Variants in AGAP1 observed in about 807,000 individuals in gnomAD.
AGAP1 encodes the protein ArfGAP with GTPase domain, ankyrin repeat and PH domain 1.
Under a neutral mutation model 105.3 loss-of-function variants are expected in AGAP1, and 29 were observed. The ratio of observed to expected loss-of-function variants is 0.28; its 90% CI spans 0.21 to 0.38. The LOEUF (loss-of-function observed/expected upper bound fraction) is 0.38. Among genes scored for constraint, AGAP1 ranks in the 10% least tolerant of loss-of-function variants. The probability of loss-of-function intolerance (pLI) is 1.00; values close to 1 mark genes in which losing one functional copy is unlikely to be tolerated. For missense variants in AGAP1, 998 were observed against 1,165.1 expected (o/e 0.86, Z 2.09); for synonymous variants, 509 against 485.9 (o/e 1.05, Z -0.63).
intron 9 of AGAP1, among the ~76,000 whole-genome samples, chr2:235,863,279 C>G (rs2049012520): frequency 6.6e-6 from 1 of 152,180 alleles, no homozygotes; most frequent in African/African-American, 2.4e-5. Context: ...ATGTGATTTC[C>G]ATTTTGCAGG....
chr2:236,035,459 T>C lies in AGAP1; in HGVS notation c.1646-1102T>C, dbSNP rs1405703003. On this transcript the variant is annotated intron_variant, in intron 13 of 17. Transcript: ENST00000304032. The surrounding 1 kb of genome is among the most constrained non-coding windows in gnomAD (Gnocchi z 4.2). ...GACCAGCCTAGGGAGACACCATCTC[T>C]ACAAAAAATGTCTAACAATTGGCCA... Among the ~76,000 whole-genome samples, 4 of 152,078 alleles carry C rather than the reference T, an allele frequency of 2.6e-5. No homozygotes were observed. The highest frequency in any genetic ancestry group is 9.7e-5 in the African/African-American group (4 of 41,406).
In AGAP1 at chr2:235,843,255, T is replaced by G. The variant is rs1387061389; in HGVS notation, c.1050+35924T>G. On this transcript the variant is annotated intron_variant, in intron 9 of 17. Coordinates refer to ENST00000304032, the MANE Select transcript of AGAP1 (RefSeq NM_001037131.3). The surrounding 1 kb of genome is among the most constrained non-coding windows in gnomAD (Gnocchi z 5.9). ...TCTTCGGGAGGACCTGAGCTTCGGC[T>G]GCGGCCTTCCAGCCCCCTGGGTCTC... is the stretch of plus-strand genomic sequence containing the variant. Among the ~76,000 whole-genome samples the G allele has an allele frequency of 2.6e-5, 4 of 152,154 alleles. No homozygotes were observed. Among genetic ancestry groups the G allele is most frequent in the Non-Finnish European group, 4.4e-5 (3 of 68,030 alleles).
In AGAP1 at chr2:235,830,679, A is replaced by G. The variant is rs918310155; in HGVS notation, c.1050+23348A>G. ...CACCTTGAGGTTTCTAGGCCAGCCC[A>G]GGACGGTGTGCGGCCCCAAGCCACT... On this transcript the variant is annotated intron_variant, in intron 9 of 17. Coordinates refer to ENST00000304032, the MANE Select transcript of AGAP1 (RefSeq NM_001037131.3). This position sits in a 1 kb window ranked among gnomAD's most constrained non-coding sequence, Gnocchi z 5.5. Among the ~76,000 whole-genome samples the G allele has an allele frequency of 6.6e-6, 1 of 152,168 alleles. No homozygotes were observed. Among genetic ancestry groups the G allele is most frequent in the African/African-American group, 2.4e-5 (1 of 41,436 alleles).
chr2:235,981,758 TA>T lies in AGAP1; in HGVS notation c.1645+13137del, dbSNP rs1174687210. Among the ~76,000 whole-genome samples, 1 of 152,144 alleles carries T rather than the reference TA, an allele frequency of 6.6e-6. No individual in the cohort carries two copies. Among genetic ancestry groups the T allele is most frequent in the Non-Finnish European group, 1.5e-5 (1 of 68,030 alleles). Reference sequence around the variant, plus strand: ...TGAGGAAACCGAGGGTCATAAAGTTTAAGTAACTTGCTCAAGGCCATAGACG... The same window carrying T: ...TGAGGAAACCGAGGGTCATAAAGTTTAGTAACTTGCTCAAGGCCATAGACG... On this transcript the variant is annotated intron_variant, in intron 13 of 17. Transcript: ENST00000304032. The surrounding 1 kb of genome is among the most constrained non-coding windows in gnomAD (Gnocchi z 5.5).
At chr2:235,576,098 G>A (rs545715117) in intron 1 of AGAP1, among the ~76,000 whole-genome samples, 4 of 152,184 alleles carry the variant, frequency 2.6e-5, no homozygotes, top group African/African-American at 7.2e-5. Context: ...GTGATTTGTC[G>A]CTCCCCAGAG....
At chr2:235,902,697 A>G (rs116285132) in intron 10 of AGAP1, among the ~76,000 whole-genome samples, 2,559 of 152,318 alleles carry the variant, frequency 0.017, 57 homozygotes, top group African/African-American at 0.059. Flanking sequence ...TCTTTCAGGT[A>G]AAAATCTTGT....
intron 16 of AGAP1, among the ~76,000 whole-genome samples, chr2:236,084,451 C>G (rs1180997713): frequency 6.6e-6 from 1 of 152,148 alleles, no homozygotes; most frequent in East Asian, 1.9e-4. Context: ...AGCCATAATG[C>G]AAGGGGCTTC....
chr2:235,847,431 TATTAA>T (rs910010830), intron 9 of AGAP1, among the ~76,000 whole-genome samples: 1 of 152,194 alleles, frequency 6.6e-6, no homozygotes, highest in African/African-American at 2.4e-5. Flanking sequence ...ACATACTCAA[TATTAA>T]ATTCATAAGT....
rs1322056750 is a variant in AGAP1 at position 235,837,859 on chromosome 2, G to A, written c.1050+30528G>A. Among the ~76,000 whole-genome samples, 9 of 152,082 alleles carry A rather than the reference G, an allele frequency of 5.9e-5. No individual in the cohort carries two copies. In the East Asian group the frequency reaches 1.5e-3, roughly 26 times the overall value. ...TAAGCTTAAAAATAGAATAGATAAGGGAGTACAGGCTCCCTTAATAAAGGC... is the reference window on the plus strand; with the variant it reads ...TAAGCTTAAAAATAGAATAGATAAGAGAGTACAGGCTCCCTTAATAAAGGC... On this transcript the variant is annotated intron_variant, in intron 9 of 17. Transcript: ENST00000304032.
intron 6 of AGAP1, among the ~76,000 whole-genome samples, chr2:235,795,791 A>G (rs1479132691): frequency 6.6e-6 from 1 of 152,216 alleles, no homozygotes; most frequent in Non-Finnish European, 1.5e-5. Context: ...TAACAATGCT[A>G]AATACTCATA....
intron 1 of AGAP1, among the ~76,000 whole-genome samples, chr2:235,580,000 CAT>C (rs1944875300): frequency 6.6e-6 from 1 of 152,166 alleles, no homozygotes; most frequent in South Asian, 2.1e-4. Flanking sequence ...AACCATACAA[CAT>C]GTGGCCTTCT....
intron 1 of AGAP1, among the ~76,000 whole-genome samples, chr2:235,630,377 A>C (rs770299994): frequency 4.6e-5 from 7 of 151,932 alleles, no homozygotes; most frequent in Non-Finnish European, 7.4e-5. Flanking sequence ...AGCCCAGCTA[A>C]TTTTTGTATT....
rs1209099909 is a variant in AGAP1 at position 235,597,976 on chromosome 2, G to A, written c.163+103127G>A. 1.6e-5 allele frequency among the ~76,000 whole-genome samples: 2 copies of A among 125,080 alleles called. 1 individual carries two copies. Among genetic ancestry groups the A allele is most frequent in the African/African-American group, 6.5e-5 (2 of 30,762 alleles). 82.1% of individuals were successfully genotyped at this position (125,080 alleles called of 152,430 possible). A position where few individuals can be genotyped will look rare whatever the true frequency, so the allele number is the denominator to read the frequency against. ...CGTTTCCTTTGTGTGGAGCGTGCAC[G>A]CGCTCCCGTGTTTCCTGTGTGGAGC... On this transcript the variant is annotated intron_variant, in intron 1 of 17. Coordinates refer to ENST00000304032, the MANE Select transcript of AGAP1 (RefSeq NM_001037131.3).
chr2:235,511,457 C>T (rs1007736433), intron 1 of AGAP1, among the ~76,000 whole-genome samples: 6 of 152,084 alleles, frequency 3.9e-5, no homozygotes, highest in African/African-American at 7.2e-5. Flanking sequence ...TCTAGGAAAC[C>T]GGCTTCTCTG....
chr2:235,609,714 G>A lies in AGAP1; in HGVS notation c.164-99465G>A, dbSNP rs1444378240. 1.3e-5 allele frequency among the ~76,000 whole-genome samples: 2 copies of A among 152,068 alleles called. No homozygotes were observed. The highest frequency in any genetic ancestry group is 2.9e-5 in the Non-Finnish European group (2 of 68,038). On this transcript the variant is annotated intron_variant, in intron 1 of 17. Transcript: ENST00000304032. The surrounding 1 kb of genome is among the most constrained non-coding windows in gnomAD (Gnocchi z 5.1). ...GTACCGGAGGAACAGGAGCTCTGGA[G>A]GTCTTCTGTTTGCTGTTGTATGCTG...
Position 235,712,925 on chromosome 2 carries a change from C to T in AGAP1, c.222+3688C>T, listed in dbSNP as rs1950924498. On this transcript the variant is annotated intron_variant, in intron 2 of 17. Transcript: ENST00000304032. The surrounding 1 kb of genome is among the most constrained non-coding windows in gnomAD (Gnocchi z 6.0). ...CCTTATTTTATTTTCCTTTCACCATCAACTGTTAATTTCCACCAGCGTTTC... is the reference window on the plus strand; with the variant it reads ...CCTTATTTTATTTTCCTTTCACCATTAACTGTTAATTTCCACCAGCGTTTC... Among the ~76,000 whole-genome samples, 1 of 152,230 alleles carries T rather than the reference C, an allele frequency of 6.6e-6. No homozygotes were observed. Among genetic ancestry groups the T allele is most frequent in the Non-Finnish European group, 1.5e-5 (1 of 68,042 alleles).
chr2:235,949,555 G>A (rs754856875), intron 12 of AGAP1, among the ~76,000 whole-genome samples: 18 of 152,044 alleles, frequency 1.2e-4, no homozygotes, highest in Non-Finnish European at 2.1e-4. Flanking sequence ...TAAATCCCTC[G>A]AACACCCAAG....
At chr2:236,098,916 G>T (rs1477396078) in intron 16 of AGAP1, among the ~76,000 whole-genome samples, 1 of 151,840 alleles carries the variant, frequency 6.6e-6, no homozygotes, top group Non-Finnish European at 1.5e-5. Context: ...AGCCCACCTG[G>T]CCCTAAAAGC....
chr2:235,614,642 G>T lies in AGAP1; in HGVS notation c.164-94537G>T, dbSNP rs1373824460. 6.6e-6 allele frequency among the ~76,000 whole-genome samples: 1 copy of T among 152,194 alleles called. No individual in the cohort carries two copies. The highest frequency in any genetic ancestry group is 1.5e-5 in the Non-Finnish European group (1 of 68,038). On this transcript the variant is annotated intron_variant, in intron 1 of 17. Coordinates refer to ENST00000304032, the MANE Select transcript of AGAP1 (RefSeq NM_001037131.3). The surrounding 1 kb of genome is among the most constrained non-coding windows in gnomAD (Gnocchi z 4.7). ...GAGTGTGGGTTGGCTCTCTACCCCC[G>T]TTGCAGATTGGCTTGTGGTTTGGGG...
Sources: gnomAD v4.1 joint callset for allele counts (sites outside exome capture counted in the v4.1 genomes callset) on GRCh38, gnomAD v4.1.1 for gene constraint, Gnocchi (gnomAD v3.1) non-coding constraint, MANE v1.5 for transcripts, NCBI Gene and HGNC (gene_info 2026-07-23, HGNC 2026-07-21) for gene names.